SEMA3C: variants seen among roughly 807,000 people sequenced by gnomAD.
The protein encoded by SEMA3C is semaphorin-3C.
SEMA3C carries 47 observed loss-of-function variants against 89.4 expected under a neutral mutation model. The ratio of observed to expected loss-of-function variants is 0.53; its 90% confidence interval spans 0.42 to 0.67. SEMA3C has a LOEUF of 0.67. SEMA3C is among the 30% of genes least tolerant of loss of function. SEMA3C has a pLI of 0.00. For synonymous variants in SEMA3C, 310 were observed against 320.2 expected, an observed-to-expected ratio of 0.97 and a Z score of 0.34; for missense variants, 839 against 929.1, an observed-to-expected ratio of 0.90 and a Z score of 1.26.
At chr7:80,769,241 A>G (rs1351393440) in intron 12 of SEMA3C, among the ~76,000 whole-genome samples, 1 of 152,206 alleles carries the variant, frequency 6.6e-6, no homozygotes, top group Non-Finnish European at 1.5e-5. Context: ...TAGTTATTTT[A>G]AAATATACAA....
chr7:80,883,334 C>T (rs955682737), intron 2 of SEMA3C, among the ~76,000 whole-genome samples: 2 of 152,154 alleles, frequency 1.3e-5, no homozygotes, highest in African/African-American at 4.8e-5. Flanking sequence ...AGGACAGAAG[C>T]ACACACCTTA....
In SEMA3C at chr7:80,825,564, G is replaced by A. The variant is rs150011014; in HGVS notation, c.327+1861C>T. On this transcript the variant is annotated intron_variant, in intron 4 of 17. Transcript: ENST00000265361. ...GTTTCTACTTTGACAAAGGAAGTAA[G>A]AAACCAAATGACTTGTCTAAGATTC... Among the ~76,000 whole-genome samples, 93 of 152,266 alleles carry A rather than the reference G, an allele frequency of 6.1e-4. No homozygotes were observed. The East Asian group carries it at 0.016, about 27-fold the overall frequency.
rs914251282 is a variant in SEMA3C at position 80,825,299 on chromosome 7, G to T, written c.327+2126C>A. ...AGACCAAACATGTATTTTTTGATTA[G>T]TATTTCCCAGCACTCAACAATGTTG... On this transcript the variant is annotated intron_variant, in intron 4 of 17. Transcript: ENST00000265361. Among the ~76,000 whole-genome samples, 5 of 152,116 alleles carry T rather than the reference G, an allele frequency of 3.3e-5. No individual in the cohort carries two copies. In the East Asian group the frequency reaches 7.7e-4, roughly 24 times the overall value.
At chr7:80,906,054 A>G in intron 2 of SEMA3C, 1 of 364,424 alleles carries the variant, frequency 2.7e-6, no homozygotes, top group Non-Finnish European at 5.2e-6. Context: ...GCTTTACAAA[A>G]GGGCCTAAAA....
chr7:80,799,670 T>G (rs1333890949), intron 10 of SEMA3C, among the ~76,000 whole-genome samples: 1 of 150,258 alleles, frequency 6.7e-6, no homozygotes. Flanking sequence ...GGTGAAACCC[T>G]GTCTCTACTA....
chr7:80,846,959 T>C (rs941381201), intron 2 of SEMA3C, among the ~76,000 whole-genome samples: 7 of 152,156 alleles, frequency 4.6e-5, no homozygotes, highest in African/African-American at 1.7e-4. Context: ...AACACCTCCC[T>C]CCAGTACTCC....
At chr7:80,893,228 G>A (rs1467480481) in intron 2 of SEMA3C, among the ~76,000 whole-genome samples, 3 of 151,934 alleles carry the variant, frequency 2.0e-5, no homozygotes, top group Non-Finnish European at 2.9e-5. Context: ...TTGTCTCATC[G>A]TTTGGACAGT....
intron 6 of SEMA3C, among the ~76,000 whole-genome samples, chr7:80,809,614 T>C (rs1230010698): frequency 1.3e-5 from 2 of 152,204 alleles, no homozygotes; most frequent in African/African-American, 2.4e-5. Context: ...ATAACAGCCA[T>C]TCAAACAGGT....
chr7:80,890,761 A>T lies in SEMA3C; in HGVS notation c.103+25918T>A, dbSNP rs1037895903. 6.6e-5 allele frequency among the ~76,000 whole-genome samples: 10 copies of T among 152,344 alleles called. No individual in the cohort carries two copies. In the East Asian group the frequency reaches 1.9e-3, roughly 29 times the overall value. ...GGTTTTTAAAATAACGTCCTAGCTA[A>T]TATGATATTATTTGCATATTATCAC... On this transcript the variant is annotated intron_variant, in intron 2 of 17. Coordinates refer to ENST00000265361, the MANE Select transcript of SEMA3C (RefSeq NM_006379.5).
intron 2 of SEMA3C, among the ~76,000 whole-genome samples, chr7:80,905,124 A>G (rs1791974601): frequency 6.6e-6 from 1 of 150,598 alleles, no homozygotes; most frequent in Non-Finnish European, 1.5e-5. Flanking sequence ...TGAACTCCTG[A>G]TATTTAAAAT....
rs548201320 is a variant in SEMA3C at position 80,821,450 on chromosome 7, C to T, written c.328-3032G>A. ...TTTGGGGGGGTGGGCGACAGAGTGT[C>T]GCTCTGCTACCCAGGCTGGAGTGCA... On this transcript the variant is annotated intron_variant, in intron 4 of 17. Coordinates refer to ENST00000265361, the MANE Select transcript of SEMA3C (RefSeq NM_006379.5). Among the ~76,000 whole-genome samples, 18 of 152,010 alleles carry T rather than the reference C, an allele frequency of 1.2e-4. No homozygotes were observed. The South Asian group carries it at 3.4e-3, about 28-fold the overall frequency.
At chr7:80,754,957 G>GTTTTTTTTTTTTT (rs1368382376) in intron 15 of SEMA3C, among the ~76,000 whole-genome samples, 6 of 108,378 alleles carry the variant, frequency 5.5e-5, no homozygotes, top group Non-Finnish European at 9.3e-5. Context: ...GTTTTTTTTT[G>GTTTTTTTTTTTTT]TTTTTTTTTT....
chr7:80,865,918 A>G (rs1790916126), intron 2 of SEMA3C, among the ~76,000 whole-genome samples: 1 of 152,228 alleles, frequency 6.6e-6, no homozygotes, highest in Non-Finnish European at 1.5e-5. Context: ...TTGATCTTTC[A>G]GAAGATAATT....
chr7:80,828,915 C>A (rs1296075581), intron 2 of SEMA3C, among the ~76,000 whole-genome samples, 170 bp from the exon 3 acceptor site: 2 of 152,114 alleles, frequency 1.3e-5, no homozygotes, highest in Non-Finnish European at 1.5e-5. Flanking sequence ...GTAATCTCAG[C>A]ACTTTGGGAG....
intron 2 of SEMA3C, among the ~76,000 whole-genome samples, chr7:80,896,642 T>C (rs1216322694): frequency 6.6e-6 from 1 of 152,188 alleles, no homozygotes; most frequent in East Asian, 1.9e-4. Context: ...GCTCTAATAG[T>C]TAACAGGATC....
At chr7:80,780,242 T>C (rs1232232202) in intron 12 of SEMA3C, among the ~76,000 whole-genome samples, 7 of 152,320 alleles carry the variant, frequency 4.6e-5, no homozygotes, top group Middle Eastern at 3.4e-3. Context: ...GTCTCCTCCA[T>C]TGGGTCAAGA....
upstream of SEMA3C, among the ~76,000 whole-genome samples, chr7:80,919,591 G>A (rs537832335): frequency 6.7e-6 from 1 of 148,516 alleles, no homozygotes; most frequent in Admixed American, 6.7e-5. Context: ...TTTGTTTTTT[G>A]TTTTGTTTTT....
Position 80,758,421 on chromosome 7 carries a change from C to G in SEMA3C, c.1553G>C (p.Gly518Ala). Residue 518 changes from glycine (G) to alanine (A), a missense_variant, in exon 15 of 18, where the codon GGT becomes GCT. Gly to Ala is a moderately conservative substitution (Grantham distance 60). Coordinates refer to ENST00000265361, the MANE Select transcript of SEMA3C (RefSeq NM_006379.5). ...CAGGCAGCAGTCAGCACAGGCTGTA[C>G]CATAGATGTGGCAGCGGTGCAGAGA... ...QVSLHRCHIYGTACADCCLAR... is the reference protein window; with the variant it reads ...QVSLHRCHIYATACADCCLAR... The G allele has an allele frequency of 6.2e-7, 1 of 1,614,002 alleles. No homozygotes were observed. The highest frequency in any genetic ancestry group is 1.1e-5 in the South Asian group (1 of 91,070).
chr7:80,920,409 A>G (rs142003683), upstream of SEMA3C, among the ~76,000 whole-genome samples: 364 of 152,324 alleles, frequency 2.4e-3, no homozygotes, highest in African/African-American at 8.2e-3. Flanking sequence ...TTAAATTCTT[A>G]TAAACTGTAT....
Sources: gnomAD v4.1 joint callset for allele counts (sites outside exome capture counted in the v4.1 genomes callset) on GRCh38, gnomAD v4.1.1 for gene constraint, MANE v1.5 for transcripts, NCBI Gene and HGNC (gene_info 2026-07-23, HGNC 2026-07-21) for gene names.